The following SMG5 variants were observed in gnomAD, a reference collection of about 807,000 sequenced individuals.
The protein encoded by SMG5 is SMG5 nonsense mediated mRNA decay factor, also known as nonsense-mediated mRNA decay factor SMG5.
Under a neutral mutation model 122.9 loss-of-function variants are expected in SMG5, and 53 were observed. That is an observed-to-expected ratio of 0.43 (90% confidence interval 0.35 to 0.54). The LOEUF is 0.54. SMG5 is among the 20% of genes least tolerant of loss of function. The pLI is 0.01. For synonymous variants in SMG5, 477 were observed against 490.2 expected, an observed-to-expected ratio of 0.97 and a Z score of 0.35; for missense variants, 1,153 against 1,285.6, an observed-to-expected ratio of 0.90 and a Z score of 1.58.
intron 12 of SMG5, among the ~76,000 whole-genome samples, chr1:156,264,014 A>T (rs1165192508): frequency 6.6e-6 from 1 of 152,144 alleles, no homozygotes; most frequent in East Asian, 1.9e-4. Flanking sequence ...TCACGCCTGT[A>T]ATCCCTGCAC....
intron 4 of SMG5, among the ~76,000 whole-genome samples, chr1:156,276,682 G>C (rs7542045): frequency 0.45 from 69,218 of 152,130 alleles, 16,574 homozygotes; most frequent in Admixed American, 0.59. Flanking sequence ...CTTGTACTAT[G>C]TTGAAAGACT....
chr1:156,249,428 A>T lies in SMG5; in HGVS notation c.*1159T>A, dbSNP rs1422482126. 2.6e-5 allele frequency: 8 copies of T among 312,392 alleles called. No individual in the cohort carries two copies. In the Admixed American group the frequency reaches 3.2e-4, roughly 12 times the overall value. 19.4% of individuals were successfully genotyped at this position (312,392 alleles called of 1,614,324 possible). On this transcript the variant is annotated 3_prime_UTR_variant, in exon 22 of 22. Coordinates refer to ENST00000361813, the MANE Select transcript of SMG5 (RefSeq NM_015327.3). ...AGCAGAGCTGAGACCCTCCACCCCG[A>T]GCCCCTAGCCTGTGCTATCCTCCCA...
intron 12 of SMG5, among the ~76,000 whole-genome samples, chr1:156,265,046 C>T (rs1272844406): frequency 6.8e-6 from 1 of 148,068 alleles, no homozygotes; most frequent in African/African-American, 2.5e-5. Context: ...TACACACACA[C>T]ACACACACAC....
At chr1:156,251,296 C>T (rs750519532) in intron 20 of SMG5, 107 bp downstream of exon 20, 82 of 1,323,006 alleles carry the variant, frequency 6.2e-5, no homozygotes, top group South Asian at 5.8e-4. Flanking sequence ...TGGCAGGCTA[C>T]GTGTGGAGCC....
chr1:156,268,526 G>A (rs928302292), intron 7 of SMG5, 111 bp from the exon 8 acceptor site: 1 of 1,375,524 alleles, frequency 7.3e-7, no homozygotes, highest in Non-Finnish European at 9.9e-7. Context: ...CCCAGCCTCA[G>A]CTTCCATGTA....
At position 156,251,418 on chromosome 1, in the gene SMG5, T is replaced by C. The variant is rs1161689749; in HGVS notation, c.2813A>G (p.Gln938Arg). Residue 938 changes from glutamine (Q) to arginine (R), a missense_variant, in exon 20 of 22, where the codon CAG (glutamine) becomes CGG (arginine). Transcript: ENST00000361813. ...AAAATGTTACCAGGCATCTGCATCC[T>C]GCCTCTTCAGCTTATGCCGCTCAAA... ...KSFERHKLKR[Q>R]DADAWTLYKI... 5.6e-6 allele frequency: 9 copies of C among 1,614,204 alleles called. No homozygotes were observed. The East Asian group carries it at 2.0e-4, about 36-fold the overall frequency.
chr1:156,262,373 G>C (rs1661889251), intron 13 of SMG5, among the ~76,000 whole-genome samples: 4 of 151,850 alleles, frequency 2.6e-5, no homozygotes, highest in Admixed American at 1.3e-4. Flanking sequence ...CTACTCGGGA[G>C]GCTGAGGTGG....
chr1:156,256,306 CTCTCTT>C (rs71814741), intron 16 of SMG5, among the ~76,000 whole-genome samples: 26,977 of 137,110 alleles, frequency 0.2, 2,650 homozygotes, highest in Non-Finnish European at 0.26. Flanking sequence ...GAGCCATCTT[CTCTCTT>C]TTTTTTTTTT....
chr1:156,266,073 G>C lies in SMG5; in HGVS notation c.1563C>G (p.Ser521=). Residue 521 remains serine, a synonymous_variant, in exon 12 of 22, where the codon TCC becomes TCG. Transcript: ENST00000361813. The part of the protein sequence containing the change: ...ETDSEMNSQE[S]RSDLEDMEEE... Reference sequence around the variant, plus strand: ...CCTCCATATCTTCCAAGTCTGATCGGGACTCCTGGCTATTCATTTCCGAGT... The same window carrying C: ...CCTCCATATCTTCCAAGTCTGATCGCGACTCCTGGCTATTCATTTCCGAGT... The C allele has an allele frequency of 6.2e-7, 1 of 1,614,170 alleles. No homozygotes were observed. Among genetic ancestry groups the C allele is most frequent in the Non-Finnish European group, 8.5e-7 (1 of 1,180,034 alleles).
At chr1:156,260,679 A>G (rs1661783069) in intron 14 of SMG5, 53 bp from the exon 15 acceptor site, 1 of 1,427,244 alleles carries the variant, frequency 7.0e-7, no homozygotes, top group Non-Finnish European at 9.2e-7. Flanking sequence ...ACTCCCAGTC[A>G]GAGAGACATA....
At chr1:156,281,591 G>A (rs554727589) in intron 1 of SMG5, among the ~76,000 whole-genome samples, 2 of 152,232 alleles carry the variant, frequency 1.3e-5, no homozygotes, top group Non-Finnish European at 2.9e-5. Flanking sequence ...AAGAGAAAAA[G>A]ACAACATGCT....
rs568361665 is a variant in SMG5 at position 156,278,433 on chromosome 1, T to C, written c.174-385A>G. On this transcript the variant is annotated intron_variant, in intron 2 of 21. Coordinates refer to ENST00000361813, the MANE Select transcript of SMG5 (RefSeq NM_015327.3). ...TCACTCTGTGGCAGTGGCGGGATCA[T>C]AGCACCATAAACTTGAACCTCTGGG... Among the ~76,000 whole-genome samples the C allele has an allele frequency of 3.0e-4, 46 of 151,432 alleles. 1 individual carries two copies. Among genetic ancestry groups the C allele is most frequent in the Middle Eastern group, 6.8e-3 (2 of 294 alleles).
rs368356248 is a variant in SMG5, at chr1:156,263,579, TG to T, written c.1856-10del. 1.4e-4 allele frequency: 225 copies of T among 1,609,728 alleles called. No individual in the cohort carries two copies. The African/African-American group carries it at 2.6e-3, about 18-fold the overall frequency. On this transcript the variant is annotated splice_polypyrimidine_tract_variant and intron_variant, in intron 12 of 21. Transcript: ENST00000361813. ...AGAGCCCTCCTCAGAGGCTGGGGGG[TG>T]GGTGAATGGAAGAGAAAAAAACTGG... is the stretch of plus-strand genomic sequence containing the variant.
intron 2 of SMG5, among the ~76,000 whole-genome samples, 186 bp downstream of exon 2, chr1:156,278,750 G>A (rs1662800687): frequency 6.6e-6 from 1 of 152,154 alleles, no homozygotes; most frequent in African/African-American, 2.4e-5. Context: ...TCTATTAGAT[G>A]TAAAATCTGC....
chr1:156,265,753 G>T, intron 12 of SMG5, 28 bp downstream of exon 12: 1 of 1,603,364 alleles, frequency 6.2e-7, no homozygotes, highest in South Asian at 1.1e-5. Context: ...GTGCGGACCA[G>T]AACAGGATGA....
chr1:156,249,846 G>A lies in SMG5; in HGVS notation c.*741C>T, dbSNP rs577008086. On this transcript the variant is annotated 3_prime_UTR_variant, in exon 22 of 22. Transcript: ENST00000361813. ...GGGGCTGGTGGGCACAGGAGACCGT[G>A]CTGGCACAGGCCAGACTGCCTGCAG... 2.1e-6 allele frequency: 1 copy of A among 471,272 alleles called. No homozygotes were observed. Among genetic ancestry groups the A allele is most frequent in the East Asian group, 6.9e-5 (1 of 14,400 alleles). 29.2% of individuals were successfully genotyped at this position (471,272 alleles called of 1,614,324 possible).
chr1:156,277,511 CTT>C (rs550751703), intron 3 of SMG5, among the ~76,000 whole-genome samples: 6 of 133,052 alleles, frequency 4.5e-5, no homozygotes, highest in African/African-American at 5.7e-5. Flanking sequence ...TTTCTGCTGT[CTT>C]TTTTTTTTTT....
At chr1:156,261,975 T>C (rs951141003) in intron 13 of SMG5, among the ~76,000 whole-genome samples, 13 of 151,080 alleles carry the variant, frequency 8.6e-5, no homozygotes, top group African/African-American at 2.2e-4. Flanking sequence ...GTTGGGAGGA[T>C]TGCTTGAGCC....
At chr1:156,286,556 C>A, upstream of SMG5, 2 of 1,428,294 alleles carry the variant, frequency 1.4e-6, no homozygotes, top group South Asian at 1.2e-5. Context: ...GAGCCAGGGT[C>A]AGGAGCTTTC....
Sources: gnomAD v4.1 joint callset for allele counts (sites outside exome capture counted in the v4.1 genomes callset) on GRCh38, gnomAD v4.1.1 for gene constraint, MANE v1.5 for transcripts, NCBI Gene and HGNC (gene_info 2026-07-23, HGNC 2026-07-21) for gene names.